Variants in VWA8 observed in about 807,000 individuals in gnomAD.
The protein encoded by VWA8 is von Willebrand factor A domain containing 8.
A neutral mutation model predicts 241.5 loss-of-function variants in VWA8; 221 were observed. That is an observed-to-expected ratio of 0.91 (90% CI 0.82 to 1.02). VWA8 has a LOEUF of 1.02. VWA8 is among the 50% of genes least tolerant of loss of function. The pLI, the probability that VWA8 is intolerant of heterozygous loss-of-function variation, is 0.00. For synonymous variants in VWA8, 852 were observed against 827.1 expected, an observed-to-expected ratio of 1.03 and a Z score of -0.52; for missense variants, 2,322 against 2,328.7, an observed-to-expected ratio of 1.00 and a Z score of 0.06.
intron 37 of VWA8, among the ~76,000 whole-genome samples, chr13:41,650,797 G>A (rs552642150): frequency 1.3e-5 from 2 of 152,296 alleles, no homozygotes; most frequent in Admixed American, 1.3e-4. Context: ...CGAGGAGGGA[G>A]GGATGTGTTT....
At chr13:41,910,163 CCAA>C (rs1358086146) in intron 3 of VWA8, among the ~76,000 whole-genome samples, 29 of 152,288 alleles carry the variant, frequency 1.9e-4, no homozygotes, top group Non-Finnish European at 1.5e-5. Flanking sequence ...CATTTTTGAA[CCAA>C]CGAGGCTTCT....
chr13:41,804,026 A>C (rs1206305771), intron 17 of VWA8, among the ~76,000 whole-genome samples: 1 of 152,152 alleles, frequency 6.6e-6, no homozygotes, highest in Admixed American at 6.5e-5. Flanking sequence ...AAAAGAATAA[A>C]ACATGACTAC....
chr13:41,952,255 T>C (rs1315754905), intron 1 of VWA8, among the ~76,000 whole-genome samples: 3 of 152,208 alleles, frequency 2.0e-5, no homozygotes, highest in African/African-American at 4.8e-5. Context: ...TGAGATCATT[T>C]GGTCGTTTAA....
intron 37 of VWA8, among the ~76,000 whole-genome samples, chr13:41,621,931 G>T (rs149720722): frequency 6.6e-6 from 1 of 152,242 alleles, no homozygotes; most frequent in African/African-American, 2.4e-5. Flanking sequence ...CCAACACAAG[G>T]CAGTTTCACA....
chr13:41,725,753 G>C (rs1450709848), intron 24 of VWA8, among the ~76,000 whole-genome samples: 1 of 152,118 alleles, frequency 6.6e-6, no homozygotes, highest in East Asian at 1.9e-4. Flanking sequence ...GTGGCTTGGG[G>C]TATAAGGGGT....
At chr13:41,628,759 C>T (rs1158755591) in intron 37 of VWA8, among the ~76,000 whole-genome samples, 7 of 151,964 alleles carry the variant, frequency 4.6e-5, no homozygotes, top group East Asian at 1.9e-4. Flanking sequence ...AAGGGGACAA[C>T]AGGCCGGGCA....
intron 14 of VWA8, among the ~76,000 whole-genome samples, chr13:41,827,660 C>T (rs1427965415): frequency 1.3e-5 from 2 of 152,146 alleles, no homozygotes; most frequent in Non-Finnish European, 2.9e-5. Flanking sequence ...TGATCTCTCT[C>T]CACTTTCTCC....
intron 17 of VWA8, among the ~76,000 whole-genome samples, chr13:41,791,545 G>A (rs1157634267): frequency 1.3e-5 from 2 of 151,750 alleles, no homozygotes; most frequent in East Asian, 3.8e-4. Context: ...AAACTGGTGT[G>A]TATTTGTTGT....
intron 20 of VWA8, among the ~76,000 whole-genome samples, chr13:41,764,344 C>T (rs1477153123): frequency 6.6e-6 from 1 of 152,106 alleles, no homozygotes; most frequent in Non-Finnish European, 1.5e-5. Flanking sequence ...CCCTTCGTTT[C>T]TCCCTCTCTC....
intron 37 of VWA8, among the ~76,000 whole-genome samples, chr13:41,631,939 T>C (rs572118178): frequency 1.3e-4 from 20 of 152,256 alleles, no homozygotes; most frequent in Admixed American, 4.6e-4. Flanking sequence ...GCTAATTAGA[T>C]TGAGAGACAG....
At chr13:41,803,833 G>T (rs1207084219) in intron 17 of VWA8, among the ~76,000 whole-genome samples, 1 of 152,116 alleles carries the variant, frequency 6.6e-6, no homozygotes, top group Non-Finnish European at 1.5e-5. Context: ...ATGTAACAAA[G>T]AAATTGAAAT....
rs749044664 is a variant in VWA8, at chr13:41,811,212, A to G, written c.2063+13T>C. ...TCCAGAAACTTACACGCAGTGAGAA[A>G]GAATATGTTTACCTGGAAAGGCAGG... is the stretch of plus-strand genomic sequence containing the variant. On this transcript the variant is annotated intron_variant, in intron 17 of 44. Transcript: ENST00000379310. The G allele has an allele frequency of 6.3e-7, 1 of 1,590,888 alleles. No homozygotes were observed. The highest frequency in any genetic ancestry group is 2.2e-5 in the East Asian group (1 of 44,472).
At chr13:41,934,340 G>A (rs1011692019) in intron 2 of VWA8, among the ~76,000 whole-genome samples, 26 of 151,910 alleles carry the variant, frequency 1.7e-4, no homozygotes, top group African/African-American at 6.0e-4. Context: ...AGAATATGGA[G>A]GAACTGGAAC....
At chr13:41,793,649 C>G (rs1005208147) in intron 17 of VWA8, among the ~76,000 whole-genome samples, 1 of 151,844 alleles carries the variant, frequency 6.6e-6, no homozygotes, top group Non-Finnish European at 1.5e-5. Context: ...CCATCTGTAC[C>G]GAAAATACAA....
At chr13:41,701,795 C>T (rs1440273493) in intron 27 of VWA8, among the ~76,000 whole-genome samples, 2 of 152,152 alleles carry the variant, frequency 1.3e-5, no homozygotes, top group Non-Finnish European at 2.9e-5. Context: ...AATCCTATAG[C>T]ATTTCTCATT....
chr13:41,625,224 G>A lies in VWA8; in HGVS notation c.4612-10140C>T, dbSNP rs542676629. On this transcript the variant is annotated intron_variant, in intron 37 of 44. Coordinates refer to ENST00000379310, the MANE Select transcript of VWA8 (RefSeq NM_015058.2). The stretch of plus-strand genomic sequence containing the variant: ...AGTAATGGCAACAAAAGCCAAAATT[G>A]ACATATGGGATCTAACTAAACTAAA... 2.6e-4 allele frequency among the ~76,000 whole-genome samples: 39 copies of A among 152,204 alleles called. 1 individual carries two copies. In the East Asian group the frequency reaches 7.3e-3, roughly 29 times the overall value.
chr13:41,677,027 T>C (rs1419156767), intron 35 of VWA8, among the ~76,000 whole-genome samples: 3 of 152,226 alleles, frequency 2.0e-5, no homozygotes, highest in Admixed American at 1.3e-4. Flanking sequence ...TTTTCCAGAA[T>C]TATATTTTCA....
chr13:41,816,203 T>G (rs1015114021), intron 16 of VWA8, among the ~76,000 whole-genome samples: 2 of 152,178 alleles, frequency 1.3e-5, no homozygotes, highest in Admixed American at 6.5e-5. Flanking sequence ...ATTGAGACCA[T>G]TTTATGCGGT....
At chr13:41,814,941 T>C (rs2137978887) in intron 16 of VWA8, among the ~76,000 whole-genome samples, 1 of 152,106 alleles carries the variant, frequency 6.6e-6, no homozygotes, top group Middle Eastern at 3.4e-3. Flanking sequence ...AAAACATACA[T>C]TATGTCAAAG....
Sources: allele counts gnomAD v4.1 joint callset (sites outside exome capture counted in the v4.1 genomes callset), GRCh38; gene constraint gnomAD v4.1.1; transcripts MANE v1.5; gene names NCBI Gene and HGNC (gene_info 2026-07-23, HGNC 2026-07-21).